SND1: variants seen among roughly 807,000 people sequenced by gnomAD.
The protein encoded by SND1 is staphylococcal nuclease domain-containing protein 1.
Under a neutral mutation model 121.7 loss-of-function variants are expected in SND1, and 38 were observed. The ratio of observed to expected loss-of-function variants is 0.31; its 90% CI spans 0.24 to 0.41. The LOEUF is 0.41. Among genes scored for constraint, SND1 ranks in the 10% least tolerant of loss-of-function variants. SND1 has a pLI of 1.00. For missense variants in SND1, 868 were observed against 1,184.6 expected, an observed-to-expected ratio of 0.73 and a Z score of 3.92; for synonymous variants, 401 against 447.4, an observed-to-expected ratio of 0.90 and a Z score of 1.31.
chr7:127,748,312 A>G (rs1274021794), intron 10 of SND1, among the ~76,000 whole-genome samples: 2 of 152,160 alleles, frequency 1.3e-5, no homozygotes, highest in African/African-American at 4.8e-5. Flanking sequence ...ACTTTTTCCT[A>G]GGATGCTTGT....
intron 15 of SND1, among the ~76,000 whole-genome samples, chr7:127,977,055 G>A (rs114339915): frequency 6.6e-6 from 1 of 152,250 alleles, no homozygotes; most frequent in African/African-American, 2.4e-5. Context: ...AGACTGATAT[G>A]CAGTCTCTCC....
chr7:127,708,109 T>C (rs1169015432), intron 9 of SND1, among the ~76,000 whole-genome samples: 1 of 152,128 alleles, frequency 6.6e-6, no homozygotes. Flanking sequence ...ATTCAGTAAA[T>C]TAATTAAATG....
At chr7:127,870,011 G>T (rs1799551396) in intron 12 of SND1, among the ~76,000 whole-genome samples, 1 of 152,172 alleles carries the variant, frequency 6.6e-6, no homozygotes, top group Admixed American at 6.5e-5. Context: ...GTGTGTGAAT[G>T]TAGGAGACAG....
chr7:127,975,815 G>A (rs78461424), intron 15 of SND1, among the ~76,000 whole-genome samples: 1,704 of 152,244 alleles, frequency 0.011, 28 homozygotes, highest in African/African-American at 0.039. Flanking sequence ...ACGCTACCCC[G>A]TTCTTCTCTC....
intron 16 of SND1, among the ~76,000 whole-genome samples, chr7:128,056,509 C>T (rs1462462336): frequency 1.3e-5 from 2 of 152,216 alleles, no homozygotes; most frequent in Non-Finnish European, 2.9e-5. Context: ...TCTGTATTTC[C>T]ATTTCATTCG....
rs146541861 is a variant in SND1 at position 128,090,140 on chromosome 7, TCTGG to T, written c.2622+451_2622+454del. On this transcript the variant is annotated intron_variant, in intron 22 of 23. Coordinates refer to ENST00000354725, the MANE Select transcript of SND1 (RefSeq NM_014390.4). Reference sequence around the variant, plus strand: ...GCCCAGAAAGACTGCCACACAACCCTCTGGCTATTTGGAAAGCCCCTTGGACTTG... The same window carrying T: ...GCCCAGAAAGACTGCCACACAACCCTCTATTTGGAAAGCCCCTTGGACTTG... 5.0e-3 allele frequency among the ~76,000 whole-genome samples: 768 copies of T among 152,226 alleles called. 5 individuals carry two copies. The highest frequency in any genetic ancestry group is 0.018 in the African/African-American group (740 of 41,532).
At chr7:128,068,713 C>T (rs1319555751) in intron 16 of SND1, among the ~76,000 whole-genome samples, 1 of 152,202 alleles carries the variant, frequency 6.6e-6, no homozygotes, top group Admixed American at 6.5e-5. Context: ...TTTTCTCCTC[C>T]CCCTTCTCCC....
At chr7:127,889,220 C>A (rs528662713) in intron 13 of SND1, among the ~76,000 whole-genome samples, 1 of 152,110 alleles carries the variant, frequency 6.6e-6, no homozygotes, top group East Asian at 1.9e-4. Context: ...ATACGTAGTT[C>A]GTGATTGGTG....
chr7:127,668,758 G>A (rs930993014), intron 1 of SND1, among the ~76,000 whole-genome samples: 8 of 152,284 alleles, frequency 5.3e-5, no homozygotes, highest in African/African-American at 1.4e-4. Flanking sequence ...ACAAGAGATG[G>A]CCCTAATGTC....
intron 1 of SND1, among the ~76,000 whole-genome samples, chr7:127,679,598 T>C (rs1295065754): frequency 6.6e-6 from 1 of 152,222 alleles, no homozygotes; most frequent in Non-Finnish European, 1.5e-5. Flanking sequence ...CACTCTCCCC[T>C]TCTGTCAGTC....
chr7:127,909,680 C>T (rs991606857), intron 14 of SND1, among the ~76,000 whole-genome samples: 1 of 152,150 alleles, frequency 6.6e-6, no homozygotes, highest in South Asian at 2.1e-4. Context: ...GATCCTCCCA[C>T]TTTGGCCTCC....
At chr7:127,694,261 A>G (rs1265676621) in intron 2 of SND1, among the ~76,000 whole-genome samples, 6 of 152,200 alleles carry the variant, frequency 3.9e-5, no homozygotes, top group Admixed American at 6.5e-5. Flanking sequence ...CTGAAATAAG[A>G]ACACTAGAAT....
chr7:127,778,212 T>TATTTATTTATTTA (rs57097176), intron 10 of SND1, among the ~76,000 whole-genome samples: 1 of 152,072 alleles, frequency 6.6e-6, no homozygotes, highest in African/African-American at 2.4e-5. Flanking sequence ...TTTATTTATT[T>TATTTATTTATTTA]TGAGACGGAG....
At chr7:127,773,662 T>C (rs1797559477) in intron 10 of SND1, among the ~76,000 whole-genome samples, 1 of 152,230 alleles carries the variant, frequency 6.6e-6, no homozygotes, top group Non-Finnish European at 1.5e-5. Flanking sequence ...CAGTGTTAAC[T>C]GAGCCCTCTT....
At chr7:127,763,108 C>G (rs1237172992) in intron 10 of SND1, among the ~76,000 whole-genome samples, 1 of 152,174 alleles carries the variant, frequency 6.6e-6, no homozygotes, top group Non-Finnish European at 1.5e-5. Flanking sequence ...GACAAAACTC[C>G]TAGAACTCAT....
chr7:127,853,524 G>A (rs979742994), intron 12 of SND1, among the ~76,000 whole-genome samples: 7 of 152,134 alleles, frequency 4.6e-5, no homozygotes, highest in Admixed American at 6.5e-5. Flanking sequence ...AAAACAGTGG[G>A]TTAATGAATG....
chr7:127,799,429 T>C (rs1233111217), intron 10 of SND1, among the ~76,000 whole-genome samples: 1 of 152,224 alleles, frequency 6.6e-6, no homozygotes, highest in Non-Finnish European at 1.5e-5. Context: ...ACTATTATTA[T>C]TCTTTAAGTT....
chr7:127,952,440 A>C (rs897493489), intron 15 of SND1, among the ~76,000 whole-genome samples: 2 of 152,218 alleles, frequency 1.3e-5, no homozygotes, highest in Non-Finnish European at 2.9e-5. Flanking sequence ...CAGAGGATGC[A>C]AATTGATGGA....
chr7:127,821,637 A>G (rs1798551126), intron 11 of SND1, among the ~76,000 whole-genome samples: 2 of 152,130 alleles, frequency 1.3e-5, no homozygotes, highest in African/African-American at 4.8e-5. Context: ...TGCCAGGAAG[A>G]TATAATTTTT....
Sources: gnomAD v4.1 joint callset for allele counts (sites outside exome capture counted in the v4.1 genomes callset) on GRCh38, gnomAD v4.1.1 for gene constraint, MANE v1.5 for transcripts, NCBI Gene and HGNC (gene_info 2026-07-23, HGNC 2026-07-21) for gene names.